Variants in AMOT observed in about 807,000 individuals in gnomAD.
The protein encoded by AMOT is angiomotin.
A neutral mutation model predicts 67.0 loss-of-function variants in AMOT; 11 were observed. That is an observed-to-expected ratio of 0.16 (90% CI 0.10 to 0.27). AMOT has a LOEUF of 0.27. AMOT is among the 10% of genes least tolerant of loss of function. AMOT has a pLI of 1.00. For synonymous variants in AMOT, 326 were observed against 321.4 expected, an observed-to-expected ratio of 1.01 and a Z score of -0.15; for missense variants, 753 against 852.0, an observed-to-expected ratio of 0.88 and a Z score of 1.45.
chrX:112,840,625 A>G lies in AMOT; in HGVS notation c.-462T>C, dbSNP rs1198690628. The G allele has an allele frequency of 8.8e-6, 1 of 113,119 alleles. No individual in the cohort carries two copies. The highest frequency in any genetic ancestry group is 2.8e-4 in the East Asian group (1 of 3,597). 9.3% of individuals were successfully genotyped at this position (113,119 alleles called of 1,213,427 possible). On this transcript the variant is annotated 5_prime_UTR_variant, in exon 1 of 14. Coordinates refer to ENST00000371959, the MANE Select transcript of AMOT (RefSeq NM_001113490.2). ...GCGGACAGGCAGGATACCGGGCCAGAGGGTGGAGCAGCGGATAGCCGGAGG... is the reference window on the plus strand; with the variant it reads ...GCGGACAGGCAGGATACCGGGCCAGGGGGTGGAGCAGCGGATAGCCGGAGG...
rs55909349 is a variant in AMOT at position 112,805,370 on chromosome X, T to TAC, written c.1631-280_1631-279dup. 9.3e-3 allele frequency among the ~76,000 whole-genome samples: 836 copies of TAC among 89,582 alleles called. 8 individuals carry two copies. The highest frequency in any genetic ancestry group is 0.018 in the Middle Eastern group (3 of 171). The allele number at this position is 89,582 out of a possible 115,157, so 77.8% of individuals were successfully genotyped here. On this transcript the variant is annotated intron_variant, in intron 7 of 13. Coordinates refer to ENST00000371959, the MANE Select transcript of AMOT (RefSeq NM_001113490.2). ...AAATTATTAGGCATTATACAAAGAATACACACACACACACACACACACACA... is the reference window on the plus strand; with the variant it reads ...AAATTATTAGGCATTATACAAAGAATACACACACACACACACACACACACACA...
rs142689217 is a variant in AMOT, at chrX:112,793,731, G to A, written c.1777-1750C>T. ...CAATCTAGCCTTGAAAACCAGTTGA[G>A]GTGAGTTCGAAGCCTATATGTTTTT... On this transcript the variant is annotated intron_variant, in intron 8 of 13. Coordinates refer to ENST00000371959, the MANE Select transcript of AMOT (RefSeq NM_001113490.2). Among the ~76,000 whole-genome samples, 968 of 111,780 alleles carry A rather than the reference G, an allele frequency of 8.7e-3. 11 individuals are homozygous for A. The highest frequency in any genetic ancestry group is 0.028 in the African/African-American group (874 of 30,747).
intron 4 of AMOT, among the ~76,000 whole-genome samples, chrX:112,818,293 G>A (rs1170256340): frequency 9.0e-6 from 1 of 110,874 alleles, no homozygotes; most frequent in Non-Finnish European, 1.9e-5. Context: ...CCTCCTGCCT[G>A]GAGACTGAAA....
At chrX:112,820,083 C>A (rs1240302998) in intron 4 of AMOT, among the ~76,000 whole-genome samples, 2 of 112,220 alleles carry the variant, frequency 1.8e-5, no homozygotes, top group Non-Finnish European at 3.8e-5. Flanking sequence ...CATGTAGGGC[C>A]CTGCAACAAT....
At chrX:112,821,247 G>T (rs1311056122) in intron 4 of AMOT, among the ~76,000 whole-genome samples, 1 of 111,116 alleles carries the variant, frequency 9.0e-6, no homozygotes, top group Non-Finnish European at 1.9e-5. Flanking sequence ...ATAAATGAAG[G>T]CCAGCCTAGG....
At chrX:112,824,768 A>G (rs1475755516) in intron 3 of AMOT, among the ~76,000 whole-genome samples, 1 of 111,577 alleles carries the variant, frequency 9.0e-6, no homozygotes, top group East Asian at 2.8e-4. Context: ...ATATTCTGAT[A>G]GGCTGACAAG....
At position 112,822,492 on chromosome X, in the gene AMOT, G is replaced by C; in HGVS notation, c.635C>G (p.Thr212Arg). 1 of 1,168,158 alleles carries C rather than the reference G, an allele frequency of 8.6e-7. No homozygotes were observed. The highest frequency in any genetic ancestry group is 1.1e-6 in the Non-Finnish European group (1 of 873,162). The change falls in exon 4 of 14, where the codon ACA (threonine) becomes AGA (arginine). Residue 212 changes from threonine (T) to arginine (R), a missense_variant. By Grantham distance (71) the Thr-to-Arg change is moderately conservative. Around this residue, in one of 5 missense-constraint regions of AMOT, gnomAD observed 297 missense variants for 284.3 expected, o/e 1.04. Coordinates refer to ENST00000371959, the MANE Select transcript of AMOT (RefSeq NM_001113490.2). Reference sequence around the variant, plus strand: ...GGCCTTGTAGAATTCACTGGAACTTGTGGGATTCTTGTAGAGGTCATTGGG... The same window carrying C: ...GGCCTTGTAGAATTCACTGGAACTTCTGGGATTCTTGTAGAGGTCATTGGG... ...PQPNDLYKNPTSSSEFYKAQG... is the reference protein window; with the variant it reads ...PQPNDLYKNPRSSSEFYKAQG...
chrX:112,826,587 G>A (rs531919701), intron 2 of AMOT, among the ~76,000 whole-genome samples: 13 of 112,131 alleles, frequency 1.2e-4, no homozygotes, highest in African/African-American at 3.6e-4. Context: ...TGTTAACAGA[G>A]CTATGGTACA....
intron 1 of AMOT, among the ~76,000 whole-genome samples, chrX:112,837,659 A>C (rs1455209941): frequency 9.0e-6 from 1 of 111,205 alleles, no homozygotes; most frequent in African/African-American, 3.3e-5. Context: ...TCCTGGGACA[A>C]AATTCTAACC....
At chrX:112,837,641 C>G (rs756494430) in intron 1 of AMOT, among the ~76,000 whole-genome samples, 1 of 110,883 alleles carries the variant, frequency 9.0e-6, no homozygotes, top group Non-Finnish European at 1.9e-5. Context: ...GTTTAATACC[C>G]CCTTAGTTCC....
chrX:112,820,307 G>A (rs1011836716), intron 4 of AMOT, among the ~76,000 whole-genome samples: 4 of 111,299 alleles, frequency 3.6e-5, no homozygotes, highest in African/African-American at 1.3e-4. Flanking sequence ...CAGAAAGAAA[G>A]AGAAATCCAC....
At chrX:112,804,898 TCCCAGCCCTCCC>T in intron 8 of AMOT, 37 bp downstream of exon 8, 14 of 837,518 alleles carry the variant, frequency 1.7e-5, no homozygotes, top group East Asian at 3.8e-5. Flanking sequence ...GTCCCCGATT[TCCCAGCCCTCCC>T]ACCCCCAGGC....
rs150900068 is a variant in AMOT at position 112,791,881 on chromosome X, C to T, written c.1877G>A (p.Arg626His). The T allele has an allele frequency of 8.3e-6, 10 of 1,211,766 alleles. No individual in the cohort carries two copies. The highest frequency in any genetic ancestry group is 2.2e-5 in the Admixed American group (1 of 46,045). The change falls in exon 9 of 14, where the codon CGT (arginine) becomes CAT (histidine). Residue 626 changes from arginine to histidine, a missense_variant. Physicochemically the swap from Arg to His is conservative, Grantham distance 29 (BLOSUM62 0). This residue lies in a region of AMOT where 66 missense variants were observed against 112.9 expected (regional missense o/e 0.58). Coordinates refer to ENST00000371959, the MANE Select transcript of AMOT (RefSeq NM_001113490.2). Reference sequence around the variant, plus strand: ...TTCCCTCTCCAGTCGTGTCCGGAGACGGTGCTCTAGCTGCTCACGTTTTTC... The same window carrying T: ...TTCCCTCTCCAGTCGTGTCCGGAGATGGTGCTCTAGCTGCTCACGTTTTTC... ...ACEKREQLEH[R>H]LRTRLERELE...
intron 2 of AMOT, among the ~76,000 whole-genome samples, chrX:112,831,492 A>T (rs868226541): frequency 1.0e-5 from 1 of 98,004 alleles, no homozygotes; most frequent in Non-Finnish European, 2.2e-5. Context: ...AATAAATAAA[A>T]AGAGAGCCCA....
In AMOT at chrX:112,779,424, A is replaced by G. The variant is rs1459758786; in HGVS notation, c.2730T>C (p.Ala910=). Residue 910 remains alanine (A), a synonymous_variant, in exon 13 of 14, where the codon GCT becomes GCC. Transcript: ENST00000371959. ...CAGCAGCAGCAACAGCAACTGGAGC[A>G]GCAGCTACCATGGTGGTGGTGATGG... The part of the protein sequence containing the change: ...AATITTTMVA[A]APVAVAAAAA... 1 of 1,149,494 alleles carries G rather than the reference A, an allele frequency of 8.7e-7. No homozygotes were observed. Among genetic ancestry groups the G allele is most frequent in the South Asian group, 1.9e-5 (1 of 53,500 alleles). The allele number at this position is 1,149,494 out of a possible 1,213,427, so 94.7% of individuals were successfully genotyped here.
chrX:112,789,612 C>A (rs950195707), intron 10 of AMOT, among the ~76,000 whole-genome samples: 14 of 111,330 alleles, frequency 1.3e-4, no homozygotes, highest in Admixed American at 1.2e-3. Flanking sequence ...AATGTATCCA[C>A]TGCCCACTCC....
intron 10 of AMOT, 31 bp from the exon 11 acceptor site, chrX:112,782,693 G>A (rs1933233872): frequency 2.5e-6 from 3 of 1,184,572 alleles, no homozygotes; most frequent in Non-Finnish European, 3.4e-6. Flanking sequence ...GATGAGATGG[G>A]AGCATAGCAA....
Position 112,825,153 on chromosome X carries a change from G to A in AMOT, c.-144C>T, listed in dbSNP as rs1934812950. ...ATGAGCAGCTCCAGAAACCGCAACG[G>A]CAGATTCCCTCTCCCCTAACACTCA... On this transcript the variant is annotated 5_prime_UTR_variant, in exon 3 of 14. Transcript: ENST00000371959. 1 of 111,552 alleles carries A rather than the reference G, an allele frequency of 9.0e-6. No individual in the cohort carries two copies. Among genetic ancestry groups the A allele is most frequent in the South Asian group, 3.8e-4 (1 of 2,623 alleles). The allele number at this position is 111,552 out of a possible 1,213,427, so 9.2% of individuals were successfully genotyped here. A position where few individuals can be genotyped will look rare whatever the true frequency, so the allele number is the denominator to read the frequency against.
intron 4 of AMOT, among the ~76,000 whole-genome samples, chrX:112,819,640 T>C (rs1934663313): frequency 8.9e-6 from 1 of 112,516 alleles, no homozygotes; most frequent in Non-Finnish European, 1.9e-5. Context: ...AATTTTAAAA[T>C]TATTCAGATA....
Sources: allele counts gnomAD v4.1 joint callset (sites outside exome capture counted in the v4.1 genomes callset), GRCh38; gene constraint gnomAD v4.1.1; regional missense constraint gnomAD v4.1.1; transcripts MANE v1.5; gene names NCBI Gene and HGNC (gene_info 2026-07-23, HGNC 2026-07-21).